KIAA1671: variants seen among roughly 807,000 people sequenced by gnomAD.
The protein encoded by KIAA1671 is KIAA1671, also known as uncharacterized protein KIAA1671.
In KIAA1671, 52 loss-of-function variants were observed where a neutral mutation model predicts 131.2. The ratio of observed to expected loss-of-function variants is 0.40; its 90% CI spans 0.32 to 0.50. KIAA1671 has a LOEUF of 0.50. Among genes scored for constraint, KIAA1671 ranks in the 20% least tolerant of loss-of-function variants. The pLI, the probability that KIAA1671 is intolerant of heterozygous loss-of-function variation, is 0.73. For synonymous variants in KIAA1671, 1,003 were observed against 961.6 expected (o/e 1.04, Z -0.80); for missense variants, 2,360 against 2,364.2 (o/e 1.00, Z 0.04).
chr22:25,093,748 C>CTCTCTCTCTCTCTG (rs55796329), intron 6 of KIAA1671, among the ~76,000 whole-genome samples: 36 of 111,452 alleles, frequency 3.2e-4, no homozygotes, highest in Non-Finnish European at 4.7e-4. Context: ...CTCTCTCTCT[C>CTCTCTCTCTCTCTG]TCTCTCTCTC....
intron 4 of KIAA1671, among the ~76,000 whole-genome samples, chr22:25,033,244 T>A (rs1464934250): frequency 2.0e-5 from 3 of 152,046 alleles, no homozygotes; most frequent in African/African-American, 4.8e-5. Context: ...AAATTTTTTT[T>A]AATTAGCCAG....
chr22:24,976,209 A>G (rs1279878193), intron 1 of KIAA1671, among the ~76,000 whole-genome samples: 1 of 152,196 alleles, frequency 6.6e-6, no homozygotes, highest in African/African-American at 2.4e-5. Context: ...TTCCCTGTTT[A>G]TGGAGCAAGA....
intron 1 of KIAA1671, among the ~76,000 whole-genome samples, chr22:25,008,090 C>T (rs1024470213): frequency 6.7e-6 from 1 of 149,276 alleles, no homozygotes; most frequent in Non-Finnish European, 1.5e-5. Context: ...CCCAGCTACT[C>T]AGGAGACTGA....
rs1487521281 is a variant in KIAA1671, at chr22:25,185,080, G to A, written c.5303G>A (p.Gly1768Asp). ...PKSPFQPGVL[G>D]SRVLPSSMDK... ...TCCCCCTTCCAGCCTGGGGTGCTGGGCAGTCGCGTGCTGCCTTCCAGCATG... is the reference window on the plus strand; with the variant it reads ...TCCCCCTTCCAGCCTGGGGTGCTGGACAGTCGCGTGCTGCCTTCCAGCATG... The change falls in exon 11 of 13, where the codon GGC becomes GAC. Residue 1768 changes from glycine to aspartate, a missense_variant. Transcript: ENST00000358431. 1.3e-6 allele frequency: 2 copies of A among 1,551,604 alleles called. No homozygotes were observed. The highest frequency in any genetic ancestry group is 1.7e-6 in the Non-Finnish European group (2 of 1,146,970).
At chr22:25,128,147 G>A (rs562979552) in intron 6 of KIAA1671, among the ~76,000 whole-genome samples, 1 of 152,296 alleles carries the variant, frequency 6.6e-6, no homozygotes, top group African/African-American at 2.4e-5. Flanking sequence ...GGTGCCACGA[G>A]GAGAGTACCA....
At chr22:25,033,589 T>TG (rs1926419514) in intron 4 of KIAA1671, among the ~76,000 whole-genome samples, 2 of 130,626 alleles carry the variant, frequency 1.5e-5, no homozygotes, top group Non-Finnish European at 3.3e-5. Context: ...TTTTTTTTTT[T>TG]TTTTTTTTTG....
intron 7 of KIAA1671, 29 bp downstream of exon 7, chr22:25,170,967 G>A: frequency 6.5e-7 from 1 of 1,534,912 alleles, no homozygotes; most frequent in Non-Finnish European, 8.8e-7. Flanking sequence ...GATTCTGGCT[G>A]CAAAGGGGGC....
chr22:25,008,352 A>G (rs967245024), intron 1 of KIAA1671, among the ~76,000 whole-genome samples: 2 of 151,968 alleles, frequency 1.3e-5, no homozygotes, highest in African/African-American at 2.4e-5. Flanking sequence ...TATGTGGTTG[A>G]CCTCTGTAAA....
At chr22:25,094,788 G>A (rs1281921415) in intron 6 of KIAA1671, among the ~76,000 whole-genome samples, 1 of 152,146 alleles carries the variant, frequency 6.6e-6, no homozygotes, top group Non-Finnish European at 1.5e-5. Flanking sequence ...GCATTCTCAC[G>A]ACTTTGTGTT....
At chr22:25,151,343 T>C (rs1462456923) in intron 6 of KIAA1671, among the ~76,000 whole-genome samples, 1 of 148,694 alleles carries the variant, frequency 6.7e-6, no homozygotes, top group Non-Finnish European at 1.5e-5. Context: ...AATAAATATA[T>C]ATGTATACAT....
chr22:25,039,387 G>A lies in KIAA1671; in HGVS notation c.2257G>A (p.Glu753Lys). 11 of 1,551,848 alleles carry A rather than the reference G, an allele frequency of 7.1e-6. No individual in the cohort carries two copies. Among genetic ancestry groups the A allele is most frequent in the South Asian group, 4.8e-5 (4 of 84,066 alleles). ...VHSEAISPAP[E>K]EKAVTLRSLR... ...CAGCGAGGCCATCTCACCGGCACCG[G>A]AGGAGAAAGCGGTCACGCTCCGCAG... Residue 753 changes from glutamate to lysine, a missense_variant, in exon 5 of 13, where the codon GAG becomes AAG. By Grantham distance (56) the Glu-to-Lys change is moderately conservative. Around this residue, in one of 3 missense-constraint regions of KIAA1671, gnomAD observed 1,185 missense variants for 1,126.2 expected, o/e 1.05. Coordinates refer to ENST00000358431, the MANE Select transcript of KIAA1671 (RefSeq NM_001145206.2).
At chr22:25,157,989 T>G (rs1274490030) in intron 6 of KIAA1671, among the ~76,000 whole-genome samples, 1 of 152,018 alleles carries the variant, frequency 6.6e-6, no homozygotes, top group Non-Finnish European at 1.5e-5. Context: ...GCCCGGCTAA[T>G]TTTTTGTATT....
intron 6 of KIAA1671, chr22:25,112,515 C>G (rs1476663609): frequency 2.5e-6 from 1 of 397,896 alleles, no homozygotes; most frequent in African/African-American, 2.1e-5. Context: ...AGCTCCTCCC[C>G]TCCAGTCCTC....
In KIAA1671 at chr22:24,970,607, C is replaced by CTCA. The variant is rs1426447396; in HGVS notation, c.-208+17850_-208+17852dup. Among the ~76,000 whole-genome samples the CTCA allele has an allele frequency of 3.3e-5, 5 of 152,018 alleles. No individual in the cohort carries two copies. In the East Asian group the frequency reaches 5.8e-4, roughly 18 times the overall value. The stretch of plus-strand genomic sequence containing the variant: ...ACATCGTCAGTGCCTCTTCCTCCTT[C>CTCA]TCATCATCATCATCATCTAGTACAG... On this transcript the variant is annotated intron_variant, in intron 1 of 12. Transcript: ENST00000358431.
chr22:25,035,917 C>T (rs1465854612), intron 4 of KIAA1671, among the ~76,000 whole-genome samples: 3 of 152,014 alleles, frequency 2.0e-5, no homozygotes, highest in Non-Finnish European at 2.9e-5. Context: ...GTAAAATACA[C>T]ATAACAGGCT....
intron 11 of KIAA1671, among the ~76,000 whole-genome samples, chr22:25,189,126 C>CTTTTTTTTTTTTTTTTTTTTTTTTTT (rs200226589): frequency 3.1e-4 from 36 of 114,824 alleles, no homozygotes; most frequent in East Asian, 5.1e-4. Flanking sequence ...CAGTCTTTTT[C>CTTTTTTTTTTTTTTTTTTTTTTTTTT]TTTTTTTTTT....
At chr22:25,044,282 C>T (rs1352562941) in intron 5 of KIAA1671, among the ~76,000 whole-genome samples, 3 of 152,174 alleles carry the variant, frequency 2.0e-5, no homozygotes, top group Non-Finnish European at 2.9e-5. Flanking sequence ...AATAAAGCAC[C>T]GAACTTGGGC....
At chr22:25,169,847 G>A (rs1015235555) in intron 6 of KIAA1671, among the ~76,000 whole-genome samples, 2 of 152,208 alleles carry the variant, frequency 1.3e-5, no homozygotes, top group Non-Finnish European at 2.9e-5. Context: ...TGCCTGAAGC[G>A]CAGTGGTTTG....
chr22:25,083,676 T>TA (rs1356221576), intron 6 of KIAA1671, among the ~76,000 whole-genome samples: 1 of 152,218 alleles, frequency 6.6e-6, no homozygotes, highest in Non-Finnish European at 1.5e-5. Context: ...TTTATGTCTT[T>TA]AATTTGACCT....
Sources: allele counts gnomAD v4.1 joint callset (sites outside exome capture counted in the v4.1 genomes callset), GRCh38; gene constraint gnomAD v4.1.1; regional missense constraint gnomAD v4.1.1; transcripts MANE v1.5; gene names NCBI Gene and HGNC (gene_info 2026-07-23, HGNC 2026-07-21).